Variants in KDM4C observed in about 807,000 individuals in gnomAD.
The protein encoded by KDM4C is lysine demethylase 4C.
In KDM4C, 81 loss-of-function variants were observed where a neutral mutation model predicts 129.3. The ratio of observed to expected loss-of-function variants is 0.63; its 90% CI spans 0.52 to 0.75. The LOEUF (loss-of-function observed/expected upper bound fraction) is 0.75, where lower values mean the gene tolerates loss of function less well. KDM4C is among the 30% of genes least tolerant of loss of function. KDM4C has a pLI of 0.00. For synonymous variants in KDM4C, 573 were observed against 456.1 expected (o/e 1.26, Z -3.26); for missense variants, 1,457 against 1,304.0 (o/e 1.12, Z -1.81).
intron 3 of KDM4C, among the ~76,000 whole-genome samples, chr9:6,813,519 C>T (rs1831542407): frequency 6.6e-6 from 1 of 152,242 alleles, no homozygotes; most frequent in Admixed American, 6.5e-5. Context: ...GTGTAGATGT[C>T]GGTTATTCTG....
In KDM4C at chr9:7,148,007, G is replaced by A. The variant is rs73639825; in HGVS notation, c.2782-17231G>A. 9.3e-3 allele frequency among the ~76,000 whole-genome samples: 1,412 copies of A among 152,348 alleles called. 25 individuals carry two copies. The highest frequency in any genetic ancestry group is 0.033 in the African/African-American group (1,359 of 41,580). ...GCCAAGGGCAAGCCAGGCTTGGAGCGGCGAGGTTGTGTGTGAGCACAGGGC... is the reference window on the plus strand; with the variant it reads ...GCCAAGGGCAAGCCAGGCTTGGAGCAGCGAGGTTGTGTGTGAGCACAGGGC... On this transcript the variant is annotated intron_variant, in intron 19 of 21. Transcript: ENST00000381309.
intron 1 of KDM4C, among the ~76,000 whole-genome samples, chr9:6,746,355 G>A (rs1175892177): frequency 7.2e-6 from 1 of 139,026 alleles, no homozygotes; most frequent in Non-Finnish European, 1.5e-5. Flanking sequence ...TGCAAGCTCT[G>A]CCTCCCGGGT....
intron 1 of KDM4C, among the ~76,000 whole-genome samples, chr9:6,722,244 G>C (rs1212496248): frequency 6.6e-6 from 1 of 152,146 alleles, no homozygotes; most frequent in Non-Finnish European, 1.5e-5. Context: ...TGTAGTGCAT[G>C]TTCTTGCCTA....
chr9:6,853,031 T>G (rs780611191), intron 5 of KDM4C, among the ~76,000 whole-genome samples: 38 of 152,098 alleles, frequency 2.5e-4, no homozygotes, highest in Non-Finnish European at 5.3e-4. Context: ...TTTGTTTTTT[T>G]TGTGTGTGTT....
At chr9:6,809,288 G>T (rs11999429) in intron 3 of KDM4C, among the ~76,000 whole-genome samples, 44 of 152,200 alleles carry the variant, frequency 2.9e-4, no homozygotes, top group Non-Finnish European at 5.4e-4. Context: ...TTTTCTTTCA[G>T]ACTCTTCCAG....
chr9:6,995,971 C>T (rs1188492827), intron 12 of KDM4C, among the ~76,000 whole-genome samples: 75 of 152,108 alleles, frequency 4.9e-4, no homozygotes, highest in Admixed American at 4.9e-3. Flanking sequence ...CCCGGCCCTG[C>T]AGGTTTTAAG....
At chr9:6,835,348 T>C (rs1400306984) in intron 4 of KDM4C, 5 of 1,023,444 alleles carry the variant, frequency 4.9e-6, no homozygotes, top group Non-Finnish European at 7.8e-6. Context: ...CACATTGCTG[T>C]CTGGCGGCAC....
intron 3 of KDM4C, among the ~76,000 whole-genome samples, chr9:6,807,348 C>G (rs1163812121): frequency 2.7e-5 from 4 of 147,930 alleles, no homozygotes; most frequent in Non-Finnish European, 6.0e-5. Flanking sequence ...CGCCCATCGT[C>G]TGGGATGTGA....
At chr9:6,951,034 TTTA>T (rs1245373618) in intron 8 of KDM4C, among the ~76,000 whole-genome samples, 2 of 152,136 alleles carry the variant, frequency 1.3e-5, no homozygotes, top group African/African-American at 4.8e-5. Flanking sequence ...TAAATTTTAT[TTTA>T]TTAATTTTTT....
chr9:7,112,185 G>T (rs745513804), intron 18 of KDM4C, among the ~76,000 whole-genome samples: 1 of 152,260 alleles, frequency 6.6e-6, no homozygotes, highest in East Asian at 1.9e-4. Flanking sequence ...TTACTCTTGC[G>T]ACTTTCCTTC....
intron 5 of KDM4C, among the ~76,000 whole-genome samples, chr9:6,858,654 T>C (rs1168792004): frequency 6.6e-6 from 1 of 152,022 alleles, no homozygotes; most frequent in East Asian, 1.9e-4. Flanking sequence ...GCGCCTGTAA[T>C]CCCAGCTACT....
At chr9:7,044,511 A>G (rs565477817) in intron 15 of KDM4C, among the ~76,000 whole-genome samples, 2 of 152,110 alleles carry the variant, frequency 1.3e-5, no homozygotes, top group East Asian at 3.9e-4. Flanking sequence ...GATGGAGAGA[A>G]CAGGGTGGAT....
intron 17 of KDM4C, among the ~76,000 whole-genome samples, chr9:7,060,025 G>C (rs1188196448): frequency 6.6e-6 from 1 of 152,112 alleles, no homozygotes; most frequent in Non-Finnish European, 1.5e-5. Context: ...GGAATAGAGA[G>C]AGGATCCCCT....
intron 1 of KDM4C, among the ~76,000 whole-genome samples, chr9:6,751,030 C>T (rs998066593): frequency 7.2e-5 from 11 of 152,176 alleles, no homozygotes; most frequent in South Asian, 2.1e-4. Context: ...AACTTCCTTA[C>T]ATGACAGTCT....
chr9:6,753,379 A>G (rs1818138000), upstream of KDM4C, among the ~76,000 whole-genome samples: 1 of 152,164 alleles, frequency 6.6e-6, no homozygotes, highest in South Asian at 2.1e-4. Flanking sequence ...TCTTTTATCT[A>G]TCATGTCTTG....
At chr9:6,940,401 G>T (rs10975922) in intron 8 of KDM4C, among the ~76,000 whole-genome samples, 12,053 of 152,196 alleles carry the variant, frequency 0.079, 1,302 homozygotes, top group African/African-American at 0.24. Flanking sequence ...ATTATTGCCC[G>T]CTGTTGTCAC....
chr9:6,991,007 A>T, intron 12 of KDM4C, among the ~76,000 whole-genome samples: 1 of 151,990 alleles, frequency 6.6e-6, no homozygotes, highest in East Asian at 1.9e-4. Flanking sequence ...GATCGCTGTG[A>T]TGCAGCTGGA....
chr9:6,946,100 G>A (rs146116082), intron 8 of KDM4C, among the ~76,000 whole-genome samples: 1 of 152,214 alleles, frequency 6.6e-6, no homozygotes, highest in African/African-American at 2.4e-5. Context: ...TGATCCTATG[G>A]TATTGCTTGT....
chr9:6,830,461 T>TA (rs1834630218), intron 4 of KDM4C, among the ~76,000 whole-genome samples: 1 of 152,164 alleles, frequency 6.6e-6, no homozygotes, highest in South Asian at 2.1e-4. Context: ...GGTGCAGAGT[T>TA]AGAGTCATGA....
Sources: allele counts gnomAD v4.1 joint callset (sites outside exome capture counted in the v4.1 genomes callset), GRCh38; gene constraint gnomAD v4.1.1; transcripts MANE v1.5; gene names NCBI Gene and HGNC (gene_info 2026-07-23, HGNC 2026-07-21).